The following FAM222A variants were observed in gnomAD, a reference collection of about 807,000 sequenced individuals.
FAM222A encodes the protein family with sequence similarity 222 member A.
Under a neutral mutation model 25.8 loss-of-function variants are expected in FAM222A, and 7 were observed. The observed-to-expected ratio is 0.27, with a 90% CI of 0.15 to 0.51. FAM222A has a LOEUF of 0.51. Ranked by LOEUF, FAM222A falls within the 20% of genes least tolerant of loss-of-function variation. The probability of loss-of-function intolerance (pLI) is 0.97; values close to 1 mark genes in which losing one functional copy is unlikely to be tolerated. For synonymous variants in FAM222A, 294 were observed against 298.8 expected (o/e 0.98, Z 0.17); for missense variants, 573 against 640.5 (o/e 0.89, Z 1.14).
At chr12:109,741,480 C>T (rs1398449042) in intron 1 of FAM222A, among the ~76,000 whole-genome samples, 1 of 152,210 alleles carries the variant, frequency 6.6e-6, no homozygotes, top group Non-Finnish European at 1.5e-5. Context: ...TAGAGCCCTG[C>T]TGGGAAGGGA....
At chr12:109,718,578 C>T (rs1310917238) in intron 1 of FAM222A, among the ~76,000 whole-genome samples, 1 of 152,240 alleles carries the variant, frequency 6.6e-6, no homozygotes, top group African/African-American at 2.4e-5. Flanking sequence ...TGCTCTCTCC[C>T]AGCAGCGGCC....
rs766261258 is a variant in FAM222A, at chr12:109,768,310, G to A, written c.381G>A (p.Lys127=). ...APAGPAKSVL[K]SAEGKRTKLS... is the part of the protein sequence containing the mutation. ...CTGGGCCCGCCAAAAGTGTGCTCAA[G>A]AGCGCCGAGGGCAAGCGGACCAAGC... Residue 127 remains lysine, a synonymous_variant, in exon 3 of 3, where the codon AAG becomes AAA. Coordinates refer to ENST00000538780, the MANE Select transcript of FAM222A (RefSeq NM_032829.3). 122 of 1,605,612 alleles carry A rather than the reference G, an allele frequency of 7.6e-5. No homozygotes were observed. The highest frequency in any genetic ancestry group is 9.3e-5 in the Non-Finnish European group (110 of 1,177,354).
At chr12:109,730,022 G>T (rs75059668) in intron 1 of FAM222A, among the ~76,000 whole-genome samples, 1 of 152,168 alleles carries the variant, frequency 6.6e-6, no homozygotes, top group Admixed American at 6.5e-5. Flanking sequence ...TGACCACCGC[G>T]CCTTCTCTGT....
intron 2 of FAM222A, among the ~76,000 whole-genome samples, chr12:109,759,704 T>C (rs1490018927): frequency 6.6e-6 from 1 of 152,136 alleles, no homozygotes; most frequent in Non-Finnish European, 1.5e-5. Flanking sequence ...GTGGCCCCAG[T>C]ACACAGTGGG....
At chr12:109,719,863 G>C (rs1481756075) in intron 1 of FAM222A, among the ~76,000 whole-genome samples, 3 of 152,200 alleles carry the variant, frequency 2.0e-5, no homozygotes, top group African/African-American at 4.8e-5. Context: ...GCAGGGGCCA[G>C]CTAAGATCCC....
At chr12:109,764,269 C>T (rs1237153652) in intron 2 of FAM222A, among the ~76,000 whole-genome samples, 4 of 143,802 alleles carry the variant, frequency 2.8e-5, no homozygotes, top group African/African-American at 5.1e-5. Context: ...ACATACTAGA[C>T]GCTCACCAAA....
At chr12:109,754,410 T>C (rs919049562) in intron 2 of FAM222A, among the ~76,000 whole-genome samples, 3 of 152,154 alleles carry the variant, frequency 2.0e-5, no homozygotes, top group South Asian at 2.1e-4. Flanking sequence ...AATAAGACTT[T>C]AGCAACGTAA....
At chr12:109,738,925 C>T (rs577798603) in intron 1 of FAM222A, among the ~76,000 whole-genome samples, 2 of 152,376 alleles carry the variant, frequency 1.3e-5, no homozygotes, top group South Asian at 4.1e-4. Flanking sequence ...CCAGTGAGAA[C>T]CCCAGTGCCT....
At chr12:109,757,377 A>G (rs954938155) in intron 2 of FAM222A, among the ~76,000 whole-genome samples, 1 of 152,178 alleles carries the variant, frequency 6.6e-6, no homozygotes, top group African/African-American at 2.4e-5. Context: ...TACAGCTTCA[A>G]GTTGAGACAG....
chr12:109,752,973 A>C (rs1032127964), intron 2 of FAM222A, among the ~76,000 whole-genome samples: 1 of 152,202 alleles, frequency 6.6e-6, no homozygotes, highest in African/African-American at 2.4e-5. Context: ...AGTGACCTGC[A>C]GAAAAACAAA....
At chr12:109,748,330 CTTTCTTTTTTT>C (rs1443533823) in intron 2 of FAM222A, among the ~76,000 whole-genome samples, 6 of 40,428 alleles carry the variant, frequency 1.5e-4, no homozygotes, top group South Asian at 2.6e-3. Flanking sequence ...CTTTGGTTTT[CTTTCTTTTTTT>C]TTTTTTTTTT....
chr12:109,738,637 G>A lies in FAM222A; in HGVS notation c.-46-5464G>A, dbSNP rs138312142. Among the ~76,000 whole-genome samples, 3 of 152,352 alleles carry A rather than the reference G, an allele frequency of 2.0e-5. No homozygotes were observed. In the East Asian group the frequency reaches 5.8e-4, roughly 29 times the overall value. ...GAACCATCTACTCTACTCCTTGCATGATGAACTGCTGGGTTTTGCCAGCTT... is the reference window on the plus strand; with the variant it reads ...GAACCATCTACTCTACTCCTTGCATAATGAACTGCTGGGTTTTGCCAGCTT... On this transcript the variant is annotated intron_variant, in intron 1 of 2. Coordinates refer to ENST00000538780, the MANE Select transcript of FAM222A (RefSeq NM_032829.3).
Position 109,722,367 on chromosome 12 carries a change from C to T in FAM222A, c.-47+7470C>T, listed in dbSNP as rs116439531. On this transcript the variant is annotated intron_variant, in intron 1 of 2. Coordinates refer to ENST00000538780, the MANE Select transcript of FAM222A (RefSeq NM_032829.3). ...CCGTCTAAGAGTACTTATTCAACAG[C>T]TCTGTGAATCCTGGGTGAGGTTGCT... Among the ~76,000 whole-genome samples the T allele has an allele frequency of 3.9e-3, 587 of 152,346 alleles. 2 individuals carry two copies. Among genetic ancestry groups the T allele is most frequent in the African/African-American group, 0.013 (553 of 41,578 alleles).
intron 2 of FAM222A, among the ~76,000 whole-genome samples, chr12:109,756,936 G>A (rs954657328): frequency 1.8e-4 from 28 of 152,072 alleles, no homozygotes; most frequent in African/African-American, 6.5e-4. Flanking sequence ...TAAATGCTTG[G>A]TAGAATTCAC....
intron 1 of FAM222A, among the ~76,000 whole-genome samples, chr12:109,730,709 C>G (rs1337414792): frequency 6.6e-6 from 1 of 152,206 alleles, no homozygotes; most frequent in Non-Finnish European, 1.5e-5. Context: ...TGGCACACCA[C>G]AGGTGCTCAG....
chr12:109,717,773 G>A lies in FAM222A; in HGVS notation c.-47+2876G>A, dbSNP rs115325781. Among the ~76,000 whole-genome samples, 697 of 152,292 alleles carry A rather than the reference G, an allele frequency of 4.6e-3. 6 individuals carry two copies. The highest frequency in any genetic ancestry group is 0.016 in the African/African-American group (661 of 41,558). On this transcript the variant is annotated intron_variant, in intron 1 of 2. Transcript: ENST00000538780. ...GGGGGCAGTCTCCTCTCTTAAGGTT[G>A]GCCCCACCCCCACTAATCCTTCTCA...
intron 2 of FAM222A, among the ~76,000 whole-genome samples, chr12:109,749,943 TTTG>T (rs1345823303): frequency 3.3e-5 from 5 of 152,244 alleles, no homozygotes; most frequent in African/African-American, 1.2e-4. Flanking sequence ...TCTGAATTAC[TTTG>T]TTTAGATGTG....
chr12:109,737,490 C>T (rs1888118286), intron 1 of FAM222A, among the ~76,000 whole-genome samples: 1 of 151,884 alleles, frequency 6.6e-6, no homozygotes, highest in African/African-American at 2.4e-5. Context: ...TTAGAGAGCC[C>T]CTGGCCTGCT....
Position 109,747,341 on chromosome 12 carries a change from C to T in FAM222A, c.82+3113C>T, listed in dbSNP as rs567287956. ...AACTCCTGACTTCAGGTGATTCACC[C>T]GCCTTAGCCTCCCAAAGTGGTAGGA... On this transcript the variant is annotated intron_variant, in intron 2 of 2. Coordinates refer to ENST00000538780, the MANE Select transcript of FAM222A (RefSeq NM_032829.3). 9.9e-5 allele frequency among the ~76,000 whole-genome samples: 15 copies of T among 152,262 alleles called. No homozygotes were observed. The East Asian group carries it at 1.9e-3, about 20-fold the overall frequency.
Sources: gnomAD v4.1 joint callset for allele counts (sites outside exome capture counted in the v4.1 genomes callset) on GRCh38, gnomAD v4.1.1 for gene constraint, MANE v1.5 for transcripts, NCBI Gene and HGNC (gene_info 2026-07-23, HGNC 2026-07-21) for gene names.